The following CRHR1 variants were observed in gnomAD, a reference collection of about 807,000 sequenced individuals.
CRHR1 encodes the protein corticotropin releasing hormone receptor 1, also known as corticotropin-releasing hormone receptor 1.
Under a neutral mutation model 56.0 loss-of-function variants are expected in CRHR1, and 28 were observed. The ratio of observed to expected loss-of-function variants is 0.50; its 90% CI spans 0.37 to 0.69. CRHR1 has a LOEUF of 0.69. CRHR1 is among the 30% of genes least tolerant of loss of function. CRHR1 has a pLI of 0.00. For missense variants in CRHR1, 376 were observed against 548.0 expected, an observed-to-expected ratio of 0.69 and a Z score of 3.13; for synonymous variants, 195 against 216.5, an observed-to-expected ratio of 0.90 and a Z score of 0.87.
chr17:45,800,477 C>A (rs1261260633), intron 1 of CRHR1: 1 of 152,234 alleles, frequency 6.6e-6, no homozygotes, highest in Non-Finnish European at 1.5e-5. Context: ...GGGCTGATGA[C>A]CCTGCCGATG....
chr17:45,834,755 A>G lies in CRHR1; in HGVS notation c.1239A>G (p.Thr413=). 8 of 1,613,688 alleles carry G rather than the reference A, an allele frequency of 5.0e-6. No individual in the cohort carries two copies. Among genetic ancestry groups the G allele is most frequent in the Non-Finnish European group, 6.8e-6 (8 of 1,179,950 alleles). ...GCTTTCACAGCATCAAGCAGTCCAC[A>G]GCAGTCTGAGCTGGCAGGTCATGGA... ...RVSFHSIKQS[T]AV Residue 413 remains threonine (T), a synonymous_variant, in exon 13 of 13, where the codon ACA becomes ACG. Transcript: ENST00000314537.
At chr17:45,794,468 C>T (rs2061482105) in intron 1 of CRHR1, among the ~76,000 whole-genome samples, 1 of 152,240 alleles carries the variant, frequency 6.6e-6, no homozygotes, top group African/African-American at 2.4e-5. Context: ...CAGCCTGCCC[C>T]TCCTGCCATG....
chr17:45,786,375 ACGTTGGTTAC>A (rs199913142), intron 1 of CRHR1, among the ~76,000 whole-genome samples: 2 of 152,242 alleles, frequency 1.3e-5, no homozygotes, highest in East Asian at 3.9e-4. Context: ...CTGGTTTCAA[ACGTTGGTTAC>A]AATTAAATAG....
At chr17:45,798,528 G>GGAAAAA (rs1205109958) in intron 1 of CRHR1, among the ~76,000 whole-genome samples, 2 of 113,620 alleles carry the variant, frequency 1.8e-5, no homozygotes, top group Non-Finnish European at 3.6e-5. Flanking sequence ...TCCGTCTCGG[G>GGAAAAA]AAAAAAAAAA....
chr17:45,824,923 A>AC (rs1225443707), intron 4 of CRHR1, among the ~76,000 whole-genome samples: 1 of 147,582 alleles, frequency 6.8e-6, no homozygotes, highest in African/African-American at 2.5e-5. Context: ...GACCCGCCCC[A>AC]CCCCCCAGCC....
intron 9 of CRHR1, 61 bp downstream of exon 9, chr17:45,833,271 C>T (rs969750424): frequency 7.0e-6 from 11 of 1,575,792 alleles, no homozygotes; most frequent in Middle Eastern, 1.7e-4. Flanking sequence ...CAGTGCCAAC[C>T]GTGGACAGAA....
chr17:45,787,340 T>A (rs1180132046), intron 1 of CRHR1, among the ~76,000 whole-genome samples: 1 of 151,992 alleles, frequency 6.6e-6, no homozygotes, highest in Non-Finnish European at 1.5e-5. Context: ...CATCTCCTCG[T>A]AGGGAGATGG....
intron 1 of CRHR1, among the ~76,000 whole-genome samples, chr17:45,795,361 T>G (rs2061499068): frequency 1.3e-5 from 2 of 152,208 alleles, no homozygotes; most frequent in Admixed American, 6.5e-5. Context: ...TCTTCAAAGC[T>G]GGGATGGAGC....
chr17:45,792,013 A>C (rs2061436273), intron 1 of CRHR1, among the ~76,000 whole-genome samples: 1 of 152,074 alleles, frequency 6.6e-6, no homozygotes. Context: ...GCAGGTGTGC[A>C]ATGCCACCTC....
At chr17:45,823,924 A>C (rs570806486) in intron 4 of CRHR1, among the ~76,000 whole-genome samples, 8 of 152,274 alleles carry the variant, frequency 5.3e-5, no homozygotes, top group Admixed American at 2.6e-4. Flanking sequence ...GGCATCTCAG[A>C]TCCCACAGGC....
chr17:45,813,113 C>T (rs1007674311), intron 2 of CRHR1, among the ~76,000 whole-genome samples: 1 of 152,166 alleles, frequency 6.6e-6, no homozygotes, highest in African/African-American at 2.4e-5. Context: ...GGCAGGACCC[C>T]GAGGCCTTAT....
intron 12 of CRHR1, 35 bp downstream of exon 12, chr17:45,834,083 G>T (rs1432890235): frequency 6.2e-7 from 1 of 1,609,000 alleles, no homozygotes; most frequent in Non-Finnish European, 8.5e-7. Flanking sequence ...GGGGTTCAGG[G>T]CTGTGAGGCC....
intron 2 of CRHR1, among the ~76,000 whole-genome samples, chr17:45,807,788 T>A (rs1325096301): frequency 6.6e-6 from 1 of 152,234 alleles, no homozygotes; most frequent in Non-Finnish European, 1.5e-5. Context: ...TGCTTTTGCA[T>A]AATCATCTCG....
intron 1 of CRHR1, among the ~76,000 whole-genome samples, chr17:45,796,305 C>G (rs1371986967): frequency 6.6e-6 from 1 of 152,208 alleles, no homozygotes; most frequent in Non-Finnish European, 1.5e-5. Flanking sequence ...GAACCCTGGG[C>G]TGGGCTCCCC....
intron 2 of CRHR1, 62 bp from the exon 3 acceptor site, chr17:45,816,401 C>T: frequency 6.3e-7 from 1 of 1,598,752 alleles, no homozygotes; most frequent in Non-Finnish European, 8.5e-7. Context: ...GGAATGTCCT[C>T]TGCCTGCCTG....
intron 1 of CRHR1, among the ~76,000 whole-genome samples, chr17:45,788,204 A>G (rs2061368056): frequency 6.6e-6 from 1 of 152,200 alleles, no homozygotes; most frequent in Non-Finnish European, 1.5e-5. Flanking sequence ...TTCAGCAGCT[A>G]TTGAAGGGGA....
chr17:45,796,136 C>A (rs957329259), intron 1 of CRHR1, among the ~76,000 whole-genome samples: 1 of 152,190 alleles, frequency 6.6e-6, no homozygotes, highest in Non-Finnish European at 1.5e-5. Flanking sequence ...TGTCAGAGAG[C>A]GGCTGAGCCG....
At chr17:45,793,564 G>A (rs1332415234) in intron 1 of CRHR1, among the ~76,000 whole-genome samples, 3 of 152,338 alleles carry the variant, frequency 2.0e-5, no homozygotes, top group East Asian at 1.9e-4. Flanking sequence ...GTGAGATCCC[G>A]TCCGTTGGCA....
In CRHR1 at chr17:45,784,592, G is replaced by A; in HGVS notation, c.33+15G>A. 1 of 1,544,918 alleles carries A rather than the reference G, an allele frequency of 6.5e-7. No individual in the cohort carries two copies. The highest frequency in any genetic ancestry group is 2.5e-5 in the East Asian group (1 of 39,812). The stretch of plus-strand genomic sequence containing the variant: ...GTCTCGTCAAGGTAACAGCCCGCCG[G>A]CCATCCCTCGAGCGCTGGCGCCCCC... On this transcript the variant is annotated intron_variant, in intron 1 of 12. Coordinates refer to ENST00000314537, the MANE Select transcript of CRHR1 (RefSeq NM_004382.5). The surrounding 1 kb of genome is among the most constrained non-coding windows in gnomAD (Gnocchi z 4.2).
Sources: allele counts gnomAD v4.1 joint callset (sites outside exome capture counted in the v4.1 genomes callset), GRCh38; gene constraint gnomAD v4.1.1; non-coding constraint Gnocchi (gnomAD v3.1); transcripts MANE v1.5; gene names NCBI Gene and HGNC (gene_info 2026-07-23, HGNC 2026-07-21).